The following METTL15 variants were observed in gnomAD, a reference collection of about 807,000 sequenced individuals.
METTL15 encodes 12S rRNA N(4)-cytidine methyltransferase METTL15.
Under a neutral mutation model 38.3 loss-of-function variants are expected in METTL15, and 34 were observed. The ratio of observed to expected loss-of-function variants is 0.89; its 90% CI spans 0.68 to 1.18. METTL15 has a LOEUF of 1.18. METTL15 is among the 50% of genes most tolerant of loss of function. METTL15 has a pLI of 0.00. For missense variants in METTL15, 438 were observed against 498.4 expected (o/e 0.88, Z 1.15); for synonymous variants, 162 against 170.9 (o/e 0.95, Z 0.41).
At chr11:28,377,119 A>G (rs1306588385) in intron 5 of METTL15, among the ~76,000 whole-genome samples, 1 of 143,630 alleles carries the variant, frequency 7.0e-6, no homozygotes, top group Non-Finnish European at 1.5e-5. Flanking sequence ...AACTTTGGTG[A>G]ATCTGACAAT....
chr11:28,224,219 A>AT (rs891877568), intron 4 of METTL15, among the ~76,000 whole-genome samples: 6 of 150,986 alleles, frequency 4.0e-5, no homozygotes, highest in South Asian at 4.2e-4. Flanking sequence ...TCCTGTTTGA[A>AT]TTTTTTTTTG....
intron 6 of METTL15, among the ~76,000 whole-genome samples, chr11:28,466,821 A>G (rs2133460039): frequency 6.6e-6 from 1 of 152,306 alleles, no homozygotes; most frequent in East Asian, 1.9e-4. Flanking sequence ...AGAAGCATTT[A>G]GGCTCCATGG....
intron 3 of METTL15, among the ~76,000 whole-genome samples, chr11:28,183,830 A>G (rs1395240505): frequency 6.6e-6 from 1 of 152,082 alleles, no homozygotes. Flanking sequence ...TTCAGAAGGA[A>G]TGGTACCAGC....
chr11:28,249,306 TACATGTTAC>T (rs1277122916), intron 4 of METTL15, among the ~76,000 whole-genome samples: 2 of 152,008 alleles, frequency 1.3e-5, no homozygotes, highest in African/African-American at 4.8e-5. Flanking sequence ...CTAAGAATTT[TACATGTTAC>T]ACATAGTACA....
chr11:28,234,192 T>C (rs1853826426), intron 4 of METTL15, among the ~76,000 whole-genome samples: 2 of 152,198 alleles, frequency 1.3e-5, no homozygotes, highest in South Asian at 4.1e-4. Context: ...ATTTTCTTAA[T>C]CCACTCTATC....
intron 4 of METTL15, among the ~76,000 whole-genome samples, chr11:28,244,792 T>C (rs1854443388): frequency 6.6e-6 from 1 of 152,198 alleles, no homozygotes; most frequent in Admixed American, 6.5e-5. Flanking sequence ...ACTACATTTC[T>C]GGGCTGGGGG....
intron 4 of METTL15, among the ~76,000 whole-genome samples, chr11:28,239,996 A>C (rs1229111538): frequency 2.0e-5 from 3 of 152,154 alleles, no homozygotes; most frequent in Non-Finnish European, 2.9e-5. Context: ...TCTAATACCT[A>C]TAACAGTTGC....
chr11:28,369,934 A>G (rs980936935), intron 5 of METTL15, among the ~76,000 whole-genome samples: 1 of 152,130 alleles, frequency 6.6e-6, no homozygotes, highest in Admixed American at 6.6e-5. Flanking sequence ...TGAAAATTTT[A>G]TTCTCTCATT....
At chr11:28,264,768 A>G (rs1018843088) in intron 4 of METTL15, among the ~76,000 whole-genome samples, 5 of 152,116 alleles carry the variant, frequency 3.3e-5, no homozygotes, top group East Asian at 1.9e-4. Flanking sequence ...CAAATTAACA[A>G]TTTGAGCTTG....
At chr11:28,509,554 G>C (rs1851657675) in intron 6 of METTL15, among the ~76,000 whole-genome samples, 1 of 151,658 alleles carries the variant, frequency 6.6e-6, no homozygotes, top group African/African-American at 2.4e-5. Flanking sequence ...CCCAGATGTA[G>C]AATAATAAGA....
At position 28,410,287 on chromosome 11, in the gene METTL15, C is replaced by A. The variant is rs773308669; in HGVS notation, c.*359-14012C>A. On this transcript the variant is annotated intron_variant and NMD_transcript_variant, in intron 5 of 7. Coordinates refer to the METTL15 transcript ENST00000532947. Reference sequence around the variant, plus strand: ...ACACATTTTGACGAGGCCAGCATCACCTTGATACCTAAGCTAGACAGACAT... The same window carrying A: ...ACACATTTTGACGAGGCCAGCATCAACTTGATACCTAAGCTAGACAGACAT... Among the ~76,000 whole-genome samples, 7 of 152,200 alleles carry A rather than the reference C, an allele frequency of 4.6e-5. No individual in the cohort carries two copies. The South Asian group carries it at 1.2e-3, about 27-fold the overall frequency.
At chr11:28,347,222 T>C (rs892744673) in intron 3 of METTL15, among the ~76,000 whole-genome samples, 1 of 152,228 alleles carries the variant, frequency 6.6e-6, no homozygotes, top group African/African-American at 2.4e-5. Context: ...TGCAGTCTTG[T>C]GTTGCCACTG....
intron 3 of METTL15, among the ~76,000 whole-genome samples, chr11:28,351,588 A>G (rs1447959288): frequency 1.3e-5 from 2 of 152,190 alleles, no homozygotes; most frequent in Non-Finnish European, 2.9e-5. Context: ...TATACTATCC[A>G]AGTGAAAGGT....
intron 6 of METTL15, among the ~76,000 whole-genome samples, chr11:28,496,376 G>A (rs375545324): frequency 9.3e-4 from 141 of 152,294 alleles, no homozygotes; most frequent in African/African-American, 1.6e-3. Context: ...ATGTGGCCCC[G>A]CCCTGGGCAC....
intron 6 of METTL15, among the ~76,000 whole-genome samples, chr11:28,320,187 T>G (rs867283424): frequency 7.3e-5 from 11 of 150,062 alleles, no homozygotes; most frequent in Middle Eastern, 3.4e-3. Context: ...AATAGTTTTT[T>G]TTTTTTTTTT....
At chr11:28,212,413 G>C (rs543861931) in intron 4 of METTL15, among the ~76,000 whole-genome samples, 1 of 152,040 alleles carries the variant, frequency 6.6e-6, no homozygotes, top group Non-Finnish European at 1.5e-5. Flanking sequence ...TGTTTTATTA[G>C]AGCATTCATA....
intron 4 of METTL15, among the ~76,000 whole-genome samples, chr11:28,221,582 T>G (rs1853224262): frequency 6.6e-6 from 1 of 151,626 alleles, no homozygotes; most frequent in Admixed American, 6.6e-5. Context: ...TTCTCTGTTT[T>G]CCGTTGGTGG....
At chr11:28,512,571 C>T (rs1446788312) in intron 6 of METTL15, among the ~76,000 whole-genome samples, 1 of 152,236 alleles carries the variant, frequency 6.6e-6, no homozygotes, top group Admixed American at 6.5e-5. Flanking sequence ...GGCAGCTGGC[C>T]CGGGTGCTAA....
chr11:28,311,298 A>T (rs1341306668), intron 6 of METTL15, among the ~76,000 whole-genome samples: 1 of 152,218 alleles, frequency 6.6e-6, no homozygotes, highest in African/African-American at 2.4e-5. Flanking sequence ...TGGAAATGTC[A>T]TGAACAAGTA....
Sources: allele counts gnomAD v4.1 joint callset (sites outside exome capture counted in the v4.1 genomes callset), GRCh38; gene constraint gnomAD v4.1.1; transcripts MANE v1.5; gene names NCBI Gene and HGNC (gene_info 2026-07-23, HGNC 2026-07-21).